RAD50: variants seen among roughly 807,000 people sequenced by gnomAD.
The protein encoded by RAD50 is DNA repair protein RAD50.
A neutral mutation model predicts 168.8 loss-of-function variants in RAD50; 132 were observed. The observed-to-expected ratio is 0.78, with a 90% CI of 0.68 to 0.90. The LOEUF (loss-of-function observed/expected upper bound fraction) is 0.90, where lower values mean the gene tolerates loss of function less well. Ranked by LOEUF, RAD50 falls within the 40% of genes least tolerant of loss-of-function variation. The probability of loss-of-function intolerance (pLI) is 0.00; values close to 1 mark genes in which losing one functional copy is unlikely to be tolerated. For missense variants in RAD50, 1,347 were observed against 1,534.4 expected, an observed-to-expected ratio of 0.88 and a Z score of 2.04; for synonymous variants, 525 against 497.4, an observed-to-expected ratio of 1.06 and a Z score of -0.74.
intron 21 of RAD50, among the ~76,000 whole-genome samples, chr5:132,621,569 A>T (rs1470636569): frequency 6.6e-6 from 1 of 152,100 alleles, no homozygotes; most frequent in Non-Finnish European, 1.5e-5. Context: ...TTTTTCAGTG[A>T]ATGACTGTTA....
At chr5:132,612,682 G>A (rs747715790) in intron 19 of RAD50, among the ~76,000 whole-genome samples, 15 of 151,966 alleles carry the variant, frequency 9.9e-5, no homozygotes, top group South Asian at 4.2e-4. Context: ...AAAAAAATTA[G>A]CCAGGTGTGA....
chr5:132,606,664 A>C (rs1006813141), intron 16 of RAD50, among the ~76,000 whole-genome samples: 4 of 152,214 alleles, frequency 2.6e-5, no homozygotes, highest in Non-Finnish European at 5.9e-5. Context: ...GAGACACAAC[A>C]AAAAAAGAAA....
chr5:132,598,330 G>C (rs540296068), intron 13 of RAD50, among the ~76,000 whole-genome samples: 1 of 152,284 alleles, frequency 6.6e-6, no homozygotes, highest in East Asian at 1.9e-4. Context: ...GATTACAGGC[G>C]TGAGCCACCG....
Position 132,616,059 on chromosome 5 carries a change from AAAAG to A in RAD50, c.3096_3099del (p.Glu1033LeufsTer9). 1 of 1,610,284 alleles carries A rather than the reference AAAAG, an allele frequency of 6.2e-7. No homozygotes were observed. Among genetic ancestry groups the A allele is most frequent in the South Asian group, 1.1e-5 (1 of 90,942 alleles). ...CTTTAAGAAAAAGAAATGAGGAACTAAAAGAAGTTGAAGAAGAAAGAAAACAACA... is the reference window on the plus strand; with the variant it reads ...CTTTAAGAAAAAGAAATGAGGAACTAAAGTTGAAGAAGAAAGAAAACAACA... On this transcript the variant is annotated frameshift_variant, in exon 20 of 25. Transcript: ENST00000378823. LOFTEE classifies it high-confidence loss of function.
chr5:132,643,728 G>A lies in RAD50; in HGVS notation c.*1364G>A, dbSNP rs952307998. ...TATCCTGGGGGTGGTGGTGGGGTGG[G>A]GGGGGGTCCTAAATGTAATCACGAG... is the stretch of plus-strand genomic sequence containing the variant. On this transcript the variant is annotated 3_prime_UTR_variant, in exon 25 of 25. Coordinates refer to ENST00000378823, the MANE Select transcript of RAD50 (RefSeq NM_005732.4). The A allele has an allele frequency of 9.4e-6, 2 of 213,108 alleles. No homozygotes were observed. The highest frequency in any genetic ancestry group is 4.5e-5 in the African/African-American group (2 of 44,398). 13.2% of individuals were successfully genotyped at this position (213,108 alleles called of 1,614,324 possible). A position where few individuals can be genotyped will look rare whatever the true frequency, so the allele number is the denominator to read the frequency against.
rs142947311 is a variant in RAD50, at chr5:132,595,617, C to T, written c.2014C>T (p.Gln672Ter). 1.9e-6 allele frequency: 3 copies of T among 1,613,942 alleles called. No homozygotes were observed. The African/African-American group carries it at 4.0e-5, about 22-fold the overall frequency. Residue 672 changes from glutamine to a stop codon, truncating the protein, a stop_gained, in exon 13 of 25, where the codon CAG (glutamine) becomes TAG (stop). Coordinates refer to ENST00000378823, the MANE Select transcript of RAD50 (RefSeq NM_005732.4). LOFTEE classifies it high-confidence loss of function. ...ATAVYSQFIT[Q>*]LTDENQSCCP... ...AGCAGTTTACTCCCAGTTCATTACTCAGCTAACAGACGAAAACCAGTCATG... is the reference window on the plus strand; with the variant it reads ...AGCAGTTTACTCCCAGTTCATTACTTAGCTAACAGACGAAAACCAGTCATG...
At chr5:132,589,874 T>TA (rs1750668262) in intron 9 of RAD50, 37 bp downstream of exon 9, 1 of 1,521,938 alleles carries the variant, frequency 6.6e-7, no homozygotes, top group East Asian at 2.4e-5. Context: ...AATTTTAAGA[T>TA]ATAATACTTT....
chr5:132,592,160 A>G lies in RAD50; in HGVS notation c.1793+126A>G. On this transcript the variant is annotated intron_variant, in intron 11 of 24. Transcript: ENST00000378823. The stretch of plus-strand genomic sequence containing the variant: ...TTGATAAACTTTAGTTCTTACATAC[A>G]AGGAGACTTCAGAAAGTTCATGGAA... 7.9e-6 allele frequency: 8 copies of G among 1,010,450 alleles called. No homozygotes were observed. The South Asian group carries it at 1.0e-4, about 13-fold the overall frequency. The allele number at this position is 1,010,450 out of a possible 1,614,324, so 62.6% of individuals were successfully genotyped here.
rs766910425 is a variant in RAD50, at chr5:132,604,082, C to T, written c.2524+36C>T. ...CTGTGTCCTTCTGTACTCATAGAGACTTTGACATTGCGAGCACATGCCTTT... is the reference window on the plus strand; with the variant it reads ...CTGTGTCCTTCTGTACTCATAGAGATTTTGACATTGCGAGCACATGCCTTT... On this transcript the variant is annotated intron_variant, in intron 15 of 24. Coordinates refer to ENST00000378823, the MANE Select transcript of RAD50 (RefSeq NM_005732.4). 6 of 1,610,036 alleles carry T rather than the reference C, an allele frequency of 3.7e-6. No homozygotes were observed. The Admixed American group carries it at 1.0e-4, about 27-fold the overall frequency.
chr5:132,631,714 A>G (rs1333628501), intron 21 of RAD50, among the ~76,000 whole-genome samples: 1 of 152,066 alleles, frequency 6.6e-6, no homozygotes, highest in African/African-American at 2.4e-5. Context: ...AATAGCTCCT[A>G]TAGGGTTCTT....
Position 132,589,049 on chromosome 5 carries a change from A to G in RAD50, c.1245+169A>G, listed in dbSNP as rs143230432. ...TATTGAAGCAAATGTTCTTAAGTGT[A>G]TAAAGATAAAAATATGAAGAAAATG... On this transcript the variant is annotated intron_variant, in intron 8 of 24. Coordinates refer to ENST00000378823, the MANE Select transcript of RAD50 (RefSeq NM_005732.4). 4.1e-3 allele frequency among the ~76,000 whole-genome samples: 629 copies of G among 152,352 alleles called. 5 individuals carry two copies. The highest frequency in any genetic ancestry group is 0.014 in the African/African-American group (601 of 41,578).
intron 2 of RAD50, among the ~76,000 whole-genome samples, chr5:132,568,229 C>G (rs541306215): frequency 1.3e-5 from 2 of 152,096 alleles, no homozygotes; most frequent in East Asian, 3.9e-4. Flanking sequence ...CACGACCATG[C>G]CCGGCTGATT....
At chr5:132,621,278 G>A (rs1301801497) in intron 21 of RAD50, among the ~76,000 whole-genome samples, 2 of 151,994 alleles carry the variant, frequency 1.3e-5, no homozygotes, top group East Asian at 3.9e-4. Flanking sequence ...AGACATTTTG[G>A]GTGATTCTGA....
chr5:132,634,919 A>G (rs572770538), intron 21 of RAD50, among the ~76,000 whole-genome samples: 1 of 152,210 alleles, frequency 6.6e-6, no homozygotes, highest in East Asian at 1.9e-4. Flanking sequence ...TCTTTTTACT[A>G]CCCTTACTAC....
In RAD50 at chr5:132,557,140, C is replaced by T; in HGVS notation, c.-185C>T. On this transcript the variant is annotated 5_prime_UTR_variant, in exon 1 of 25. Coordinates refer to ENST00000378823, the MANE Select transcript of RAD50 (RefSeq NM_005732.4). ...GCTGGTGTGGGAGGAAAGGCTCCAT[C>T]CCCCGCCCCCTCTCTCCCGCTGTTG... 3 of 826,294 alleles carry T rather than the reference C, an allele frequency of 3.6e-6. No homozygotes were observed. Among genetic ancestry groups the T allele is most frequent in the South Asian group, 1.6e-5 (1 of 61,624 alleles). 51.2% of individuals were successfully genotyped at this position (826,294 alleles called of 1,614,324 possible).
chr5:132,597,193 C>G (rs1750806089), intron 13 of RAD50, among the ~76,000 whole-genome samples: 1 of 152,056 alleles, frequency 6.6e-6, no homozygotes, highest in East Asian at 1.9e-4. Flanking sequence ...AGTGATTGTC[C>G]TGGAAAACCA....
At chr5:132,594,323 G>A (rs986695530) in intron 11 of RAD50, among the ~76,000 whole-genome samples, 5 of 152,188 alleles carry the variant, frequency 3.3e-5, no homozygotes, top group Non-Finnish European at 5.9e-5. Flanking sequence ...CATGTTATGT[G>A]TGAGTATTGA....
chr5:132,618,299 G>C lies in RAD50; in HGVS notation c.3389+5G>C. 6.2e-7 allele frequency: 1 copy of C among 1,613,754 alleles called. No homozygotes were observed. Among genetic ancestry groups the C allele is most frequent in the Non-Finnish European group, 8.5e-7 (1 of 1,179,912 alleles). On this transcript the variant is annotated splice_donor_5th_base_variant and intron_variant, in intron 21 of 24. Coordinates refer to ENST00000378823, the MANE Select transcript of RAD50 (RefSeq NM_005732.4). ...TTATTATAAGACTCTTGACCAGTAA[G>C]TATTAGACTGGGGATTTTCTTATTG...
At chr5:132,603,236 C>T in intron 13 of RAD50, 64 bp from the exon 14 acceptor site, 1 of 1,428,960 alleles carries the variant, frequency 7.0e-7, no homozygotes, top group Non-Finnish European at 9.6e-7. Context: ...CCTAAAAATA[C>T]ATAACCTCAG....
Sources: allele counts gnomAD v4.1 joint callset (sites outside exome capture counted in the v4.1 genomes callset), GRCh38; gene constraint gnomAD v4.1.1; transcripts MANE v1.5; gene names NCBI Gene and HGNC (gene_info 2026-07-23, HGNC 2026-07-21).